PRRC2B: variants seen among roughly 807,000 people sequenced by gnomAD.
PRRC2B encodes proline rich coiled-coil 2B.
In PRRC2B, 68 loss-of-function variants were observed where a neutral mutation model predicts 242.3. The ratio of observed to expected loss-of-function variants is 0.28; its 90% CI spans 0.23 to 0.34. PRRC2B has a LOEUF of 0.34. Ranked by LOEUF, PRRC2B falls within the 10% of genes least tolerant of loss-of-function variation. The pLI, the probability that PRRC2B is intolerant of heterozygous loss-of-function variation, is 1.00. For synonymous variants in PRRC2B, 1,228 were observed against 1,173.6 expected, an observed-to-expected ratio of 1.05 and a Z score of -0.95; for missense variants, 2,835 against 2,954.8, an observed-to-expected ratio of 0.96 and a Z score of 0.94.
At chr9:131,430,497 AT>A (rs1838106693) in intron 2 of PRRC2B, among the ~76,000 whole-genome samples, 2 of 59,334 alleles carry the variant, frequency 3.4e-5, no homozygotes, top group African/African-American at 9.4e-5. Context: ...GGGGAGATAT[AT>A]CTATAGATAT....
rs1273277810 is a variant in PRRC2B, at chr9:131,475,238, G to A, written c.3109G>A (p.Glu1037Lys). Residue 1037 changes from glutamate to lysine, a missense_variant, in exon 16 of 32, where the codon GAG becomes AAG. Coordinates refer to ENST00000683519, the MANE Select transcript of PRRC2B (RefSeq NM_013318.4). ...DKAWEARPPR[E>K]SSDVPPMKRN... ...GGCCTGGGAAGCCAGACCCCCACGAGAGTCCAGCGATGTTCCCCCCATGAA... is the reference window on the plus strand; with the variant it reads ...GGCCTGGGAAGCCAGACCCCCACGAAAGTCCAGCGATGTTCCCCCCATGAA... 6.2e-7 allele frequency: 1 copy of A among 1,613,574 alleles called. No individual in the cohort carries two copies. The highest frequency in any genetic ancestry group is 2.2e-5 in the East Asian group (1 of 44,884).
chr9:131,483,324 C>G, intron 22 of PRRC2B, 35 bp from the exon 23 acceptor site: 2 of 1,587,806 alleles, frequency 1.3e-6, no homozygotes, highest in Admixed American at 1.7e-5. Context: ...CCAGGAGGAT[C>G]TCAGTGGGCT....
chr9:131,461,413 T>A (rs779984364), intron 11 of PRRC2B, among the ~76,000 whole-genome samples: 1 of 152,180 alleles, frequency 6.6e-6, no homozygotes, highest in Non-Finnish European at 1.5e-5. Flanking sequence ...GGCACCAGGC[T>A]CCTGGCTTGC....
intron 1 of PRRC2B, among the ~76,000 whole-genome samples, chr9:131,394,537 G>T (rs1206103968): frequency 2.0e-5 from 3 of 148,982 alleles, no homozygotes; most frequent in African/African-American, 7.3e-5. Flanking sequence ...GGCTCGGGCG[G>T]GGTCCAGGGG....
In PRRC2B at chr9:131,482,295, G is replaced by A; in HGVS notation, c.4984-76G>A. The A allele has an allele frequency of 2.7e-6, 4 of 1,456,916 alleles. No homozygotes were observed. The highest frequency in any genetic ancestry group is 3.7e-6 in the Non-Finnish European group (4 of 1,079,494). 90.2% of individuals were successfully genotyped at this position (1,456,916 alleles called of 1,614,324 possible). A position where few individuals can be genotyped will look rare whatever the true frequency, so the allele number is the denominator to read the frequency against. ...AGGCAGCTGGGGTAGAAAAGTCTCT[G>A]TGCCACATGCAGTTTTACTCTCTGG... On this transcript the variant is annotated intron_variant, in intron 20 of 31. Transcript: ENST00000683519. The surrounding 1 kb of genome is among the most constrained non-coding windows in gnomAD (Gnocchi z 5.2).
At position 131,478,551 on chromosome 9, in the gene PRRC2B, G is replaced by C. The variant is rs756267976; in HGVS notation, c.4690G>C (p.Glu1564Gln). Reference protein sequence around the residue: ...VGSMVGEGFIEVLTKKQRRLL... With the variant: ...VGSMVGEGFIQVLTKKQRRLL... ...TTCTATGGTGGGCGAAGGCTTCATCGAAGTCCTGACCAAGAAGCAGCGCCG... is the reference window on the plus strand; with the variant it reads ...TTCTATGGTGGGCGAAGGCTTCATCCAAGTCCTGACCAAGAAGCAGCGCCG... The change falls in exon 18 of 32, where the codon GAA becomes CAA. Residue 1564 changes from glutamate to glutamine, a missense_variant. This residue lies in a region of PRRC2B where 1,536 missense variants were observed against 1,483.1 expected (regional missense o/e 1.04). Coordinates refer to ENST00000683519, the MANE Select transcript of PRRC2B (RefSeq NM_013318.4). 6.3e-7 allele frequency: 1 copy of C among 1,596,966 alleles called. No homozygotes were observed.
In PRRC2B at chr9:131,459,332, C is replaced by G; in HGVS notation, c.1380C>G (p.Gly460=). 1 of 1,613,588 alleles carries G rather than the reference C, an allele frequency of 6.2e-7. No homozygotes were observed. Among genetic ancestry groups the G allele is most frequent in the South Asian group, 1.1e-5 (1 of 91,046 alleles). ...DPQPPPRKLH[G]WAPGPDYQKS... is the part of the protein sequence containing the mutation. ...AGCCACCGCCCAGGAAGCTTCATGG[C>G]TGGGCACCAGGCCCTGACTACCAGG... Residue 460 remains glycine (G), a synonymous_variant, in exon 11 of 32, where the codon GGC becomes GGG. Transcript: ENST00000683519.
chr9:131,483,216 C>A lies in PRRC2B; in HGVS notation c.5374-143C>A, dbSNP rs1162614683. 11 of 802,622 alleles carry A rather than the reference C, an allele frequency of 1.4e-5. No homozygotes were observed. In the Admixed American group the frequency reaches 1.4e-4, roughly 10 times the overall value. 49.7% of individuals were successfully genotyped at this position (802,622 alleles called of 1,614,324 possible). A position where few individuals can be genotyped will look rare whatever the true frequency, so the allele number is the denominator to read the frequency against. On this transcript the variant is annotated intron_variant, in intron 22 of 31. Transcript: ENST00000683519. ...TCCTGTGCCGTGGGGAAAATCTGGCCATCTCGCTCATATGTGGCTCCAGTG... is the reference window on the plus strand; with the variant it reads ...TCCTGTGCCGTGGGGAAAATCTGGCAATCTCGCTCATATGTGGCTCCAGTG...
intron 12 of PRRC2B, 80 bp from the exon 13 acceptor site, chr9:131,467,483 G>C: frequency 7.9e-7 from 1 of 1,258,736 alleles, no homozygotes; most frequent in Non-Finnish European, 1.1e-6. Context: ...CCAACAGGAA[G>C]AAGTACTTGT....
rs1014209915 is a variant in PRRC2B at position 131,443,143 on chromosome 9, T to A, written c.470-1042T>A. 2.2e-3 allele frequency among the ~76,000 whole-genome samples: 336 copies of A among 151,220 alleles called. 1 individual carries two copies. The highest frequency in any genetic ancestry group is 4.5e-3 in the East Asian group (23 of 5,166). On this transcript the variant is annotated intron_variant, in intron 5 of 31. Coordinates refer to ENST00000683519, the MANE Select transcript of PRRC2B (RefSeq NM_013318.4). ...TTTATTTTATTTTATTTTATTATTT[T>A]TTTTTTTTGAGACGGAATCTCGCTC...
intron 19 of PRRC2B, 117 bp downstream of exon 19, chr9:131,479,510 T>G: frequency 9.9e-7 from 1 of 1,006,306 alleles, no homozygotes; most frequent in Non-Finnish European, 1.4e-6. Flanking sequence ...ACAGATGGAG[T>G]ACCTGTTTGC....
At chr9:131,414,460 G>T in intron 1 of PRRC2B, among the ~76,000 whole-genome samples, 1 of 98,870 alleles carries the variant, frequency 1.0e-5, no homozygotes, top group African/African-American at 3.2e-5. Flanking sequence ...ATACTAATTT[G>T]TAATTTCCTG....
chr9:131,399,149 G>A (rs528809905), intron 1 of PRRC2B, among the ~76,000 whole-genome samples: 5 of 151,136 alleles, frequency 3.3e-5, no homozygotes, highest in Non-Finnish European at 7.4e-5. Flanking sequence ...CGTGGCGAGT[G>A]CCTGTAGTCC....
intron 9 of PRRC2B, among the ~76,000 whole-genome samples, chr9:131,449,783 T>G (rs1942852703): frequency 6.6e-6 from 1 of 152,224 alleles, no homozygotes; most frequent in Non-Finnish European, 1.5e-5. Context: ...GTTATTATTT[T>G]TGTGTCCTGT....
In PRRC2B at chr9:131,482,282, T is replaced by C; in HGVS notation, c.4984-89T>C. ...CTTGGCAAGGGACAGGCAGCTGGGG[T>C]AGAAAAGTCTCTGTGCCACATGCAG... On this transcript the variant is annotated intron_variant, in intron 20 of 31. Transcript: ENST00000683519. This position sits in a 1 kb window ranked among gnomAD's most constrained non-coding sequence, Gnocchi z 5.2. The C allele has an allele frequency of 7.2e-7, 1 of 1,385,174 alleles. No homozygotes were observed. Among genetic ancestry groups the C allele is most frequent in the Non-Finnish European group, 9.8e-7 (1 of 1,016,916 alleles). 85.8% of individuals were successfully genotyped at this position (1,385,174 alleles called of 1,614,324 possible).
Position 131,475,408 on chromosome 9 carries a change from C to T in PRRC2B, c.3279C>T (p.Val1093=). Residue 1093 remains valine, a synonymous_variant, in exon 16 of 32, where the codon GTC becomes GTT. Transcript: ENST00000683519. The part of the protein sequence containing the change: ...GNGSGLCGGG[V]LGARSIYCSS... Reference sequence around the variant, plus strand: ...GGAGCGGCCTCTGTGGTGGGGGGGTCCTGGGGGCCCGCAGCATCTACTGCA... The same window carrying T: ...GGAGCGGCCTCTGTGGTGGGGGGGTTCTGGGGGCCCGCAGCATCTACTGCA... 3.2e-6 allele frequency: 5 copies of T among 1,578,948 alleles called. No individual in the cohort carries two copies. The highest frequency in any genetic ancestry group is 4.3e-6 in the Non-Finnish European group (5 of 1,163,814).
Position 131,486,511 on chromosome 9 carries a change from A to G in PRRC2B, c.5856+329A>G, listed in dbSNP as rs1944029493. ...CTTCTGATGAAGAGAAGAAAGGCCT[A>G]AACTCCCAGGCATGGATGCATTAGA... On this transcript the variant is annotated intron_variant, in intron 26 of 31. Coordinates refer to ENST00000683519, the MANE Select transcript of PRRC2B (RefSeq NM_013318.4). The G allele has an allele frequency of 4.1e-6, 4 of 985,352 alleles. No homozygotes were observed. The South Asian group carries it at 1.4e-4, about 35-fold the overall frequency. The allele number at this position is 985,352 out of a possible 1,614,324, so 61.0% of individuals were successfully genotyped here.
chr9:131,418,449 T>C (rs1837716023), intron 1 of PRRC2B, among the ~76,000 whole-genome samples: 1 of 152,240 alleles, frequency 6.6e-6, no homozygotes, highest in Non-Finnish European at 1.5e-5. Flanking sequence ...TCTTGGTTTT[T>C]TTTACCCCCC....
Position 131,473,601 on chromosome 9 carries a change from A to T in PRRC2B, c.2201A>T (p.Lys734Ile). ...TGTGTGCCCCCACTCCAAGAAAGAA[A>T]AGTGACCCCCATCGACTCACCCCCT... ...QNCVPPLQER[K>I]VTPIDSPPVW... The change falls in exon 15 of 32, where the codon AAA (lysine) becomes ATA (isoleucine). Residue 734 changes from lysine (K) to isoleucine (I), a missense_variant. Physicochemically the swap from Lys to Ile is moderately radical, Grantham distance 102. Around this residue, in one of 7 missense-constraint regions of PRRC2B, gnomAD observed 1,536 missense variants for 1,483.1 expected, o/e 1.04. Transcript: ENST00000683519. The T allele has an allele frequency of 6.2e-7, 1 of 1,613,060 alleles. No individual in the cohort carries two copies. The highest frequency in any genetic ancestry group is 2.2e-5 in the East Asian group (1 of 44,822).
Sources: gnomAD v4.1 joint callset for allele counts (sites outside exome capture counted in the v4.1 genomes callset) on GRCh38, gnomAD v4.1.1 for gene constraint, gnomAD v4.1.1 regional missense constraint, Gnocchi (gnomAD v3.1) non-coding constraint, MANE v1.5 for transcripts, NCBI Gene and HGNC (gene_info 2026-07-23, HGNC 2026-07-21) for gene names.